Variants in AKR1E2 observed in about 807,000 individuals in gnomAD.
The protein encoded by AKR1E2 is aldo-keto reductase family 1 member E2, also known as 1,5-anhydro-D-fructose reductase.
In AKR1E2, 43 loss-of-function variants were observed where a neutral mutation model predicts 41.9. That is an observed-to-expected ratio of 1.03 (90% CI 0.80 to 1.32). AKR1E2 has a LOEUF of 1.32. Among genes scored for constraint, AKR1E2 ranks in the 40% most tolerant of loss-of-function variants. The pLI is 0.00. For missense variants in AKR1E2, 423 were observed against 396.5 expected, an observed-to-expected ratio of 1.07 and a Z score of -0.57; for synonymous variants, 121 against 138.9, an observed-to-expected ratio of 0.87 and a Z score of 0.91.
At chr10:4,852,955 T>G (rs891895412), downstream of AKR1E2, among the ~76,000 whole-genome samples, 2 of 152,120 alleles carry the variant, frequency 1.3e-5, no homozygotes, top group South Asian at 2.1e-4. Context: ...GCTGAAGAGA[T>G]AAAAGAGGTT....
At chr10:4,836,851 A>G (rs917656245) in intron 4 of AKR1E2, among the ~76,000 whole-genome samples, 2 of 152,176 alleles carry the variant, frequency 1.3e-5, no homozygotes, top group Non-Finnish European at 2.9e-5. Context: ...GTCACTCAGG[A>G]CTTGCTGCTG....
chr10:4,833,619 CCT>C (rs1354144597), intron 3 of AKR1E2, 153 bp downstream of exon 3: 15 of 697,488 alleles, frequency 2.2e-5, no homozygotes, highest in Non-Finnish European at 3.6e-5. Flanking sequence ...TTTGGGCAGT[CCT>C]CTTGATATCT....
chr10:4,864,696 A>G, the AKR1E2 span, among the ~76,000 whole-genome samples: 5 of 152,168 alleles, frequency 3.3e-5, no homozygotes, highest in East Asian at 1.9e-4. Flanking sequence ...ACATGATTGT[A>G]TATCTAGAAA....
Position 4,847,754 on chromosome 10 carries a change from T to G in AKR1E2, c.*224T>G. 1 of 568,742 alleles carries G rather than the reference T, an allele frequency of 1.8e-6. No individual in the cohort carries two copies. The highest frequency in any genetic ancestry group is 3.1e-6 in the Non-Finnish European group (1 of 321,094). 35.2% of individuals were successfully genotyped at this position (568,742 alleles called of 1,614,324 possible). On this transcript the variant is annotated 3_prime_UTR_variant, in exon 10 of 10. Coordinates refer to ENST00000298375, the MANE Select transcript of AKR1E2 (RefSeq NM_001040177.3). Reference sequence around the variant, plus strand: ...CCAAGACAGCCTGTGTGGCCTCTACTCTGAACAAATACACTGATGAGTCAT... The same window carrying G: ...CCAAGACAGCCTGTGTGGCCTCTACGCTGAACAAATACACTGATGAGTCAT...
chr10:4,863,726 A>AAATCAATGAATCCAGGAGCTG, the AKR1E2 span, among the ~76,000 whole-genome samples: 171 of 151,268 alleles, frequency 1.1e-3, no homozygotes, highest in African/African-American at 1.4e-3. Flanking sequence ...AGACTAATAA[A>AAATCAATGAATCCAGGAGCTG]GAAGAAAAGA....
chr10:4,854,095 T>TGTTG, the AKR1E2 span, among the ~76,000 whole-genome samples: 2 of 140,286 alleles, frequency 1.4e-5, no homozygotes, highest in Non-Finnish European at 1.6e-5. Context: ...GTTTTTTTTT[T>TGTTG]TTTTTTTTTT....
intron 5 of AKR1E2, 24 bp downstream of exon 5, chr10:4,837,605 A>G (rs1166184300): frequency 3.1e-6 from 5 of 1,600,670 alleles, no homozygotes; most frequent in Non-Finnish European, 4.3e-6. Flanking sequence ...AGCATCAGAG[A>G]GTTTAACCTG....
At chr10:4,851,525 T>C (rs1834526868), downstream of AKR1E2, among the ~76,000 whole-genome samples, 1 of 152,246 alleles carries the variant, frequency 6.6e-6, no homozygotes, top group Non-Finnish European at 1.5e-5. Context: ...TGTGCACTTC[T>C]GTCACGTATC....
the AKR1E2 span, among the ~76,000 whole-genome samples, chr10:4,864,815 AC>A: frequency 6.6e-6 from 1 of 152,220 alleles, no homozygotes; most frequent in Non-Finnish European, 1.5e-5. Flanking sequence ...TACACCAATA[AC>A]AGAGTAAGTG....
downstream of AKR1E2, among the ~76,000 whole-genome samples, chr10:4,849,295 C>T (rs904035382): frequency 3.3e-5 from 5 of 151,794 alleles, no homozygotes; most frequent in Non-Finnish European, 7.4e-5. Flanking sequence ...TTTCCATGTT[C>T]GTGACTCCTT....
the AKR1E2 span, among the ~76,000 whole-genome samples, chr10:4,857,030 C>A: frequency 6.6e-6 from 1 of 152,310 alleles, no homozygotes; most frequent in African/African-American, 2.4e-5. Flanking sequence ...CTGGCAACCA[C>A]AAGTCTACTT....
intron 1 of AKR1E2, among the ~76,000 whole-genome samples, chr10:4,828,908 C>T (rs1416324107): frequency 6.6e-6 from 1 of 152,172 alleles, no homozygotes; most frequent in East Asian, 1.9e-4. Context: ...CACTTCCAGC[C>T]ACTTTACTAA....
At chr10:4,872,203 A>T in the AKR1E2 span, among the ~76,000 whole-genome samples, 1 of 152,206 alleles carries the variant, frequency 6.6e-6, no homozygotes, top group South Asian at 2.1e-4. Flanking sequence ...GCTTGAGGAG[A>T]TAAACTATTT....
chr10:4,858,230 T>C, the AKR1E2 span, among the ~76,000 whole-genome samples: 1 of 152,172 alleles, frequency 6.6e-6, no homozygotes, highest in Non-Finnish European at 1.5e-5. Flanking sequence ...GGAAACAAAT[T>C]TGAGAAGATC....
At chr10:4,867,347 C>T in the AKR1E2 span, among the ~76,000 whole-genome samples, 2 of 152,226 alleles carry the variant, frequency 1.3e-5, no homozygotes, top group African/African-American at 4.8e-5. Context: ...CAATTTTTCA[C>T]ACATTCACGT....
At chr10:4,842,375 A>G (rs748276285) in intron 7 of AKR1E2, 46 bp from the exon 8 acceptor site, 2 of 1,553,344 alleles carry the variant, frequency 1.3e-6, no homozygotes, top group African/African-American at 1.4e-5. Flanking sequence ...CTTAGACTAC[A>G]TGGGATTTCC....
chr10:4,825,878 C>T (rs973200050), upstream of AKR1E2, among the ~76,000 whole-genome samples: 3 of 152,210 alleles, frequency 2.0e-5, no homozygotes, highest in East Asian at 1.9e-4. Context: ...CCCTCAGTCG[C>T]ATATGCACCC....
intron 7 of AKR1E2, 69 bp downstream of exon 7, chr10:4,841,926 G>A: frequency 7.0e-7 from 1 of 1,424,130 alleles, no homozygotes; most frequent in Non-Finnish European, 9.6e-7. Context: ...GGGAGTCCTG[G>A]GGCTTGGCAG....
the AKR1E2 span, among the ~76,000 whole-genome samples, chr10:4,870,706 A>G: frequency 6.6e-6 from 1 of 151,134 alleles, no homozygotes; most frequent in African/African-American, 2.4e-5. Flanking sequence ...CTTTTTCACA[A>G]GCTTTTCTTT....
Sources: allele counts gnomAD v4.1 joint callset (sites outside exome capture counted in the v4.1 genomes callset), GRCh38; gene constraint gnomAD v4.1.1; transcripts MANE v1.5; gene names NCBI Gene and HGNC (gene_info 2026-07-23, HGNC 2026-07-21).